Variants in ZNF566 observed in about 807,000 individuals in gnomAD.
ZNF566 encodes zinc finger protein 566.
ZNF566 carries 27 observed loss-of-function variants against 32.8 expected under a neutral mutation model. That is an observed-to-expected ratio of 0.82 (90% confidence interval 0.61 to 1.14). The LOEUF (loss-of-function observed/expected upper bound fraction) is 1.14. Ranked by LOEUF, ZNF566 falls within the 50% of genes most tolerant of loss-of-function variation. The pLI is 0.00. For synonymous variants in ZNF566, 154 were observed against 159.5 expected (o/e 0.97, Z 0.26); for missense variants, 402 against 490.4 (o/e 0.82, Z 1.70).
At chr19:36,489,130 C>A (rs574329372) in intron 1 of ZNF566, among the ~76,000 whole-genome samples, 3 of 152,306 alleles carry the variant, frequency 2.0e-5, no homozygotes, top group Non-Finnish European at 2.9e-5. Context: ...GGTATCCCCA[C>A]CTGAACTCTG....
intron 4 of ZNF566, among the ~76,000 whole-genome samples, chr19:36,451,445 T>C (rs151144170): frequency 2.8e-4 from 43 of 152,298 alleles, no homozygotes; most frequent in African/African-American, 9.4e-4. Context: ...ACATGATCAC[T>C]ATAGTAGTAA....
At chr19:36,465,957 AACAC>A (rs1054288514) in intron 4 of ZNF566, among the ~76,000 whole-genome samples, 2 of 151,810 alleles carry the variant, frequency 1.3e-5, no homozygotes, top group East Asian at 1.9e-4. Context: ...AAGAGTAAGA[AACAC>A]ACAGACGTTT....
chr19:36,471,599 T>C (rs1386201320), intron 4 of ZNF566, among the ~76,000 whole-genome samples: 1 of 152,172 alleles, frequency 6.6e-6, no homozygotes, highest in Non-Finnish European at 1.5e-5. Context: ...CTCTTGCCCC[T>C]TCACATAAAA....
At chr19:36,480,393 T>G (rs534729960) in intron 1 of ZNF566, among the ~76,000 whole-genome samples, 46 of 151,104 alleles carry the variant, frequency 3.0e-4, no homozygotes, top group African/African-American at 1.1e-3. Flanking sequence ...CAAGCAATTC[T>G]CCTGCCTCAG....
chr19:36,460,903 A>G (rs1178873135), intron 4 of ZNF566, among the ~76,000 whole-genome samples: 1 of 152,224 alleles, frequency 6.6e-6, no homozygotes, highest in Non-Finnish European at 1.5e-5. Flanking sequence ...AAATTGGAAC[A>G]ATAATTTATT....
chr19:36,461,658 G>A (rs913184409), intron 4 of ZNF566, among the ~76,000 whole-genome samples: 4 of 151,984 alleles, frequency 2.6e-5, no homozygotes, highest in African/African-American at 4.8e-5. Flanking sequence ...GCGACAGAGC[G>A]AGACTCTGTC....
At position 36,453,505 on chromosome 19, in the gene ZNF566, A is replaced by AAATAAATT. The variant is rs1303715849; in HGVS notation, c.233-3505_233-3504insAATTTATT. Among the ~76,000 whole-genome samples, 12 of 99,806 alleles carry AAATAAATT rather than the reference A, an allele frequency of 1.2e-4. No homozygotes were observed. The East Asian group carries it at 1.5e-3, about 13-fold the overall frequency. The allele number at this position is 99,806 out of a possible 152,430, so 65.5% of individuals were successfully genotyped here. A position where few individuals can be genotyped will look rare whatever the true frequency, so the allele number is the denominator to read the frequency against. On this transcript the variant is annotated intron_variant, in intron 4 of 4. Transcript: ENST00000452939. ...TAAATAAATAAATAAATAAATAAAT[A>AAATAAATT]AATTAATTAATTAAAATAAAATAAA...
At position 36,454,361 on chromosome 19, in the gene ZNF566, G is replaced by A. The variant is rs190416778; in HGVS notation, c.233-4360C>T. ...CACCATAAAAAAATCAAATCAAAAAGAAAGAGTGAGATAGGAACAAAGACA... is the reference window on the plus strand; with the variant it reads ...CACCATAAAAAAATCAAATCAAAAAAAAAGAGTGAGATAGGAACAAAGACA... On this transcript the variant is annotated intron_variant, in intron 4 of 4. Coordinates refer to ENST00000452939, the MANE Select transcript of ZNF566 (RefSeq NM_001145344.1). 1.7e-3 allele frequency among the ~76,000 whole-genome samples: 257 copies of A among 151,936 alleles called. 1 individual carries two copies. Among genetic ancestry groups the A allele is most frequent in the East Asian group, 0.01 (53 of 5,168 alleles).
intron 4 of ZNF566, among the ~76,000 whole-genome samples, chr19:36,467,406 G>A (rs2033641686): frequency 7.1e-6 from 1 of 141,658 alleles, no homozygotes; most frequent in South Asian, 2.2e-4. Flanking sequence ...CTGCACTCCA[G>A]CCTGGGCAAC....
In ZNF566 at chr19:36,476,566, T is replaced by G. The variant is rs562559205; in HGVS notation, c.-9A>C. ...TATCTCACCTGAGCCATGGCTCTGA[T>G]ATTTGTAGAAAAGGACCTTCTCTTG... On this transcript the variant is annotated 5_prime_UTR_variant, in exon 2 of 5. Transcript: ENST00000452939. 6.2e-7 allele frequency: 1 copy of G among 1,613,650 alleles called. No homozygotes were observed. The highest frequency in any genetic ancestry group is 1.1e-5 in the South Asian group (1 of 90,920).
chr19:36,489,389 G>C, intron 1 of ZNF566, 97 bp downstream of exon 1: 1 of 285,354 alleles, frequency 3.5e-6, no homozygotes, highest in South Asian at 3.3e-5. Context: ...CCACACAGAC[G>C]CAAGCGCACG....
rs755283751 is a variant in ZNF566, at chr19:36,462,956, C to CAAAAAAAAAAAAAAAA, written c.232+9939_232+9954dup. The stretch of plus-strand genomic sequence containing the variant: ...TGGGTGACACAGCGAGACTCTGTCT[C>CAAAAAAAAAAAAAAAA]AAAAAAAAAAAAAAAAAAAAAAAAA... On this transcript the variant is annotated intron_variant, in intron 4 of 4. Coordinates refer to ENST00000452939, the MANE Select transcript of ZNF566 (RefSeq NM_001145344.1). Among the ~76,000 whole-genome samples the CAAAAAAAAAAAAAAAA allele has an allele frequency of 1.3e-4, 5 of 38,562 alleles. 1 individual carries two copies. The highest frequency in any genetic ancestry group is 2.2e-4 in the Non-Finnish European group (5 of 22,420). 25.3% of individuals were successfully genotyped at this position (38,562 alleles called of 152,430 possible). A position where few individuals can be genotyped will look rare whatever the true frequency, so the allele number is the denominator to read the frequency against.
At chr19:36,472,567 A>T (rs1434304182) in intron 4 of ZNF566, among the ~76,000 whole-genome samples, 1 of 152,204 alleles carries the variant, frequency 6.6e-6, no homozygotes, top group Non-Finnish European at 1.5e-5. Flanking sequence ...GTGTAGGAAA[A>T]AATCTATTTC....
intron 4 of ZNF566, among the ~76,000 whole-genome samples, chr19:36,471,358 T>G (rs2033760605): frequency 1.3e-5 from 2 of 152,098 alleles, no homozygotes; most frequent in Non-Finnish European, 1.5e-5. Flanking sequence ...TTCCCACTCC[T>G]GCCTCTTTGA....
At chr19:36,452,922 A>G (rs1288425726) in intron 4 of ZNF566, among the ~76,000 whole-genome samples, 1 of 152,094 alleles carries the variant, frequency 6.6e-6, no homozygotes, top group Non-Finnish European at 1.5e-5. Context: ...GTTCGAGACC[A>G]GCCTGCCCAA....
chr19:36,468,555 C>T (rs1044870536), intron 4 of ZNF566, among the ~76,000 whole-genome samples: 3 of 151,348 alleles, frequency 2.0e-5, no homozygotes, highest in African/African-American at 7.3e-5. Context: ...GCAGTGAACC[C>T]AGATCACGCC....
intron 4 of ZNF566, among the ~76,000 whole-genome samples, chr19:36,461,252 T>C (rs781168995): frequency 3.3e-5 from 5 of 152,210 alleles, no homozygotes; most frequent in Non-Finnish European, 5.9e-5. Flanking sequence ...ATTCAGAACA[T>C]TAGAGAACTG....
At chr19:36,487,276 G>A (rs956106409) in intron 1 of ZNF566, among the ~76,000 whole-genome samples, 3 of 152,048 alleles carry the variant, frequency 2.0e-5, no homozygotes, top group Admixed American at 1.3e-4. Context: ...AACCACATGA[G>A]AGCTTCGTAG....
At chr19:36,480,446 G>A (rs893206980) in intron 1 of ZNF566, among the ~76,000 whole-genome samples, 5 of 151,110 alleles carry the variant, frequency 3.3e-5, no homozygotes, top group Non-Finnish European at 7.4e-5. Flanking sequence ...CACCACACCC[G>A]GCTAATTTTT....
Sources: allele counts gnomAD v4.1 joint callset (sites outside exome capture counted in the v4.1 genomes callset), GRCh38; gene constraint gnomAD v4.1.1; transcripts MANE v1.5; gene names NCBI Gene and HGNC (gene_info 2026-07-23, HGNC 2026-07-21).